The following ZNF780A variants were observed in gnomAD, a reference collection of about 807,000 sequenced individuals.
The protein encoded by ZNF780A is zinc finger protein 780A.
ZNF780A carries 40 observed loss-of-function variants against 56.7 expected under a neutral mutation model. The observed-to-expected ratio is 0.71, with a 90% confidence interval of 0.55 to 0.92. The LOEUF (loss-of-function observed/expected upper bound fraction) is 0.92, where lower values mean the gene tolerates loss of function less well. ZNF780A is among the 40% of genes least tolerant of loss of function. ZNF780A has a pLI of 0.00. For missense variants in ZNF780A, 672 were observed against 783.3 expected, an observed-to-expected ratio of 0.86 and a Z score of 1.70; for synonymous variants, 231 against 248.3, an observed-to-expected ratio of 0.93 and a Z score of 0.66.
chr19:40,083,142 C>T lies in ZNF780A; in HGVS notation c.105G>A (p.Met35Ile), dbSNP rs763024800. 1 of 1,614,220 alleles carries T rather than the reference C, an allele frequency of 6.2e-7. No individual in the cohort carries two copies. Among genetic ancestry groups the T allele is most frequent in the Non-Finnish European group, 8.5e-7 (1 of 1,180,040 alleles). ...AGATCAGGTGGCTGTAGTTCTCCAA[C>T]ATCACATCCCTGTACAAGGTCCTCT... is the stretch of plus-strand genomic sequence containing the variant. ...PDQRTLYRDV[M>I]LENYSHLISL... Residue 35 changes from methionine to isoleucine, a missense_variant, in exon 4 of 6, where the codon ATG becomes ATA. Met to Ile is a conservative substitution (Grantham distance 10). Coordinates refer to ENST00000683561, the MANE Select transcript of ZNF780A (RefSeq NM_001142578.2).
Position 40,081,911 on chromosome 19 carries a change from C to T in ZNF780A, c.140G>A (p.Ser47Asn), listed in dbSNP as rs765275077. 6.2e-7 allele frequency: 1 copy of T among 1,602,568 alleles called. No individual in the cohort carries two copies. Among genetic ancestry groups the T allele is most frequent in the Non-Finnish European group, 8.5e-7 (1 of 1,174,964 alleles). The change falls in exon 5 of 6, where the codon AGT becomes AAT. Residue 47 changes from serine (S) to asparagine (N), a missense_variant. By Grantham distance (46) the Ser-to-Asn change is conservative. Coordinates refer to ENST00000683561, the MANE Select transcript of ZNF780A (RefSeq NM_001142578.2). ...AATTACATCTGGTTTAGAAATGGAA[C>T]TTCCTGCTTAAAAGAAACGACACAT... is the stretch of plus-strand genomic sequence containing the variant. Reference protein sequence around the residue: ...ENYSHLISLGSSISKPDVITL... With the variant: ...ENYSHLISLGNSISKPDVITL...
At chr19:40,085,335 A>C (rs1974737150) in intron 2 of ZNF780A, 1 of 985,348 alleles carries the variant, frequency 1.0e-6, no homozygotes, top group Admixed American at 6.1e-5. Context: ...AGCAAAAGCC[A>C]GTTGGTTAAT....
At chr19:40,087,693 A>G (rs1377657866) in intron 2 of ZNF780A, among the ~76,000 whole-genome samples, 7 of 152,212 alleles carry the variant, frequency 4.6e-5, no homozygotes, top group Admixed American at 4.6e-4. Context: ...AAAGACCCAA[A>G]TAGCCAAAGC....
chr19:40,076,358 C>A, intron 5 of ZNF780A, 149 bp from the exon 6 acceptor site: 1 of 760,716 alleles, frequency 1.3e-6, no homozygotes, highest in South Asian at 2.3e-5. Flanking sequence ...TAGATAGAAC[C>A]TTTCTCATAT....
chr19:40,081,758 C>T (rs1384957007), intron 5 of ZNF780A, 61 bp downstream of exon 5: 6 of 1,428,378 alleles, frequency 4.2e-6, no homozygotes, highest in South Asian at 1.1e-5. Context: ...TGTATGACTC[C>T]TTTCTGAGCA....
In ZNF780A at chr19:40,074,789, A is replaced by G. The variant is rs779762609; in HGVS notation, c.1653T>C (p.His551=). 1.9e-6 allele frequency: 3 copies of G among 1,614,094 alleles called. No individual in the cohort carries two copies. In the Admixed American group the frequency reaches 5.0e-5, roughly 27 times the overall value. ...TACATTCAAAGGGTTTCTTTCCAGT[A>G]TGAATACTTCGATGTTGATTAAGAT... ...GSNLNQHRSI[H]TGKKPFECKE... The change falls in exon 6 of 6, where the codon CAT becomes CAC. Residue 551 remains histidine (H), a synonymous_variant. Coordinates refer to ENST00000683561, the MANE Select transcript of ZNF780A (RefSeq NM_001142578.2).
chr19:40,087,482 A>C (rs780747362), intron 2 of ZNF780A, among the ~76,000 whole-genome samples: 1 of 152,278 alleles, frequency 6.6e-6, no homozygotes, highest in Middle Eastern at 3.4e-3. Context: ...TTTTTTTGAT[A>C]ATCTTATGAA....
intron 2 of ZNF780A, among the ~76,000 whole-genome samples, chr19:40,086,885 T>C (rs1469025747): frequency 6.6e-6 from 1 of 152,066 alleles, no homozygotes; most frequent in African/African-American, 2.4e-5. Context: ...ATATTTTTAG[T>C]AGAGACAAGG....
At position 40,085,964 on chromosome 19, in the gene ZNF780A, A is replaced by ATG. The variant is rs1231925542; in HGVS notation, c.-45-1168_-45-1167dup. 6.6e-3 allele frequency among the ~76,000 whole-genome samples: 1,006 copies of ATG among 151,312 alleles called. 5 individuals carry two copies. Among genetic ancestry groups the ATG allele is most frequent in the Non-Finnish European group, 0.012 (786 of 67,822 alleles). On this transcript the variant is annotated intron_variant, in intron 2 of 5. Transcript: ENST00000683561. The stretch of plus-strand genomic sequence containing the variant: ...CACACACACGTGTGTGTATATATAT[A>ATG]TGTGTGTGTGTATATATATATTTAT...
intron 2 of ZNF780A, among the ~76,000 whole-genome samples, chr19:40,088,597 C>CA (rs1974952532): frequency 6.6e-6 from 1 of 152,038 alleles, no homozygotes; most frequent in Non-Finnish European, 1.5e-5. Flanking sequence ...GGAGGTTCCT[C>CA]AAAAAATTAG....
In ZNF780A at chr19:40,073,238, C is replaced by A; in HGVS notation, c.*1278G>T. 2.0e-6 allele frequency: 1 copy of A among 489,226 alleles called. No homozygotes were observed. The highest frequency in any genetic ancestry group is 2.9e-6 in the Non-Finnish European group (1 of 343,452). The allele number at this position is 489,226 out of a possible 1,614,324, so 30.3% of individuals were successfully genotyped here. On this transcript the variant is annotated 3_prime_UTR_variant, in exon 6 of 6. Coordinates refer to ENST00000683561, the MANE Select transcript of ZNF780A (RefSeq NM_001142578.2). Reference sequence around the variant, plus strand: ...GTATATTTGACTATTCTTTCAAAACCCACAACAAGTATCAACTAGGTTTAC... The same window carrying A: ...GTATATTTGACTATTCTTTCAAAACACACAACAAGTATCAACTAGGTTTAC...
intron 3 of ZNF780A, among the ~76,000 whole-genome samples, chr19:40,083,827 T>C (rs1002251806): frequency 6.6e-6 from 1 of 152,166 alleles, no homozygotes; most frequent in Non-Finnish European, 1.5e-5. Context: ...ATTAGATTTA[T>C]TCATTTTTTT....
rs1007904903 is a variant in ZNF780A, at chr19:40,075,694, C to G, written c.748G>C (p.Glu250Gln). 2 of 1,614,086 alleles carry G rather than the reference C, an allele frequency of 1.2e-6. No individual in the cohort carries two copies. Among genetic ancestry groups the G allele is most frequent in the African/African-American group, 1.3e-5 (1 of 74,994 alleles). The change falls in exon 6 of 6, where the codon GAA (glutamate) becomes CAA (glutamine). Residue 250 changes from glutamate to glutamine, a missense_variant. Physicochemically the swap from Glu to Gln is conservative, Grantham distance 29. Coordinates refer to ENST00000683561, the MANE Select transcript of ZNF780A (RefSeq NM_001142578.2). ...KNIHTGEKLF[E>Q]CKECGKSFNR... ...AAGGACTTCCCACATTCCTTACATT[C>G]AAACAGTTTCTCACCTGTGTGAATG...
In ZNF780A at chr19:40,077,181, G is replaced by C. The variant is rs139411930; in HGVS notation, c.233-972C>G. 1.6e-3 allele frequency among the ~76,000 whole-genome samples: 248 copies of C among 152,244 alleles called. 1 individual carries two copies. Among genetic ancestry groups the C allele is most frequent in the African/African-American group, 5.5e-3 (229 of 41,544 alleles). On this transcript the variant is annotated intron_variant, in intron 5 of 5. Transcript: ENST00000683561. ...ATCTGGACTGCCACTGCCACCACCAGAGCCCAAGGACTTGCCTACCTTGTG... is the reference window on the plus strand; with the variant it reads ...ATCTGGACTGCCACTGCCACCACCACAGCCCAAGGACTTGCCTACCTTGTG...
chr19:40,069,369 A>T (rs956063537), downstream of ZNF780A: 1 of 152,216 alleles, frequency 6.6e-6, no homozygotes, highest in Non-Finnish European at 1.5e-5. Flanking sequence ...ACAAAAATTA[A>T]CAGAGCGATA....
downstream of ZNF780A, chr19:40,072,965 A>G: frequency 6.5e-7 from 1 of 1,540,046 alleles, no homozygotes; most frequent in Non-Finnish European, 8.7e-7. Context: ...ATGGTTTGGA[A>G]GCCAATGAAG....
rs1281666009 is a variant in ZNF780A, at chr19:40,075,344, A to G, written c.1098T>C (p.Cys366=). Residue 366 remains cysteine, a synonymous_variant, in exon 6 of 6, where the codon TGT becomes TGC. Coordinates refer to ENST00000683561, the MANE Select transcript of ZNF780A (RefSeq NM_001142578.2). The part of the protein sequence containing the change: ...TGEKPFECRE[C]GKAFSLLNQL... Reference sequence around the variant, plus strand: ...GGTTGAGAAGACTAAAGGCCTTCCCACATTCCCTGCATTCAAAGGGTTTCT... The same window carrying G: ...GGTTGAGAAGACTAAAGGCCTTCCCGCATTCCCTGCATTCAAAGGGTTTCT... 6 of 1,613,942 alleles carry G rather than the reference A, an allele frequency of 3.7e-6. No individual in the cohort carries two copies. In the African/African-American group the frequency reaches 6.7e-5, roughly 18 times the overall value.
At position 40,082,268 on chromosome 19, in the gene ZNF780A, TG is replaced by T. The variant is rs1344074449; in HGVS notation, c.137-355del. 5.9e-5 allele frequency among the ~76,000 whole-genome samples: 9 copies of T among 152,222 alleles called. 1 individual carries two copies. The East Asian group carries it at 1.2e-3, about 20-fold the overall frequency. ...TCCTTCAGTTTTCCCAACTCTAAAA[TG>T]GGGATGATACAATACCTATTTTATA... On this transcript the variant is annotated intron_variant, in intron 4 of 5. Transcript: ENST00000683561.
intron 5 of ZNF780A, 121 bp from the exon 6 acceptor site, chr19:40,076,330 C>A (rs1974132785): frequency 9.8e-7 from 1 of 1,015,624 alleles, no homozygotes; most frequent in African/African-American, 1.6e-5. Flanking sequence ...TTTTATTAGC[C>A]AAAACCAACA....
Sources: gnomAD v4.1 joint callset for allele counts (sites outside exome capture counted in the v4.1 genomes callset) on GRCh38, gnomAD v4.1.1 for gene constraint, MANE v1.5 for transcripts, NCBI Gene and HGNC (gene_info 2026-07-23, HGNC 2026-07-21) for gene names.